PLA2G4E: variants seen among roughly 807,000 people sequenced by gnomAD.
PLA2G4E encodes phospholipase A2 group IVE.
A neutral mutation model predicts 109.1 loss-of-function variants in PLA2G4E; 84 were observed. That is an observed-to-expected ratio of 0.77 (90% confidence interval 0.65 to 0.92). The LOEUF is 0.92. Among genes scored for constraint, PLA2G4E ranks in the 40% least tolerant of loss-of-function variants. PLA2G4E has a pLI of 0.00. For missense variants in PLA2G4E, 1,057 were observed against 1,076.6 expected (o/e 0.98, Z 0.25); for synonymous variants, 469 against 436.1 (o/e 1.08, Z -0.94).
intron 13 of PLA2G4E, 131 bp from the exon 14 acceptor site, chr15:41,990,366 C>T: frequency 3.9e-6 from 3 of 764,008 alleles, no homozygotes; most frequent in Non-Finnish European, 6.5e-6. Context: ...GCTGTATCGG[C>T]CCCAGCTGAC....
At chr15:42,019,599 C>A (rs2068628840) in intron 1 of PLA2G4E, among the ~76,000 whole-genome samples, 1 of 152,166 alleles carries the variant, frequency 6.6e-6, no homozygotes, top group African/African-American at 2.4e-5. Flanking sequence ...CAGTTCCATG[C>A]AACACCTGTG....
intron 17 of PLA2G4E, 94 bp downstream of exon 17, chr15:41,987,075 GAGA>G: frequency 7.7e-7 from 1 of 1,292,510 alleles, no homozygotes; most frequent in Non-Finnish European, 1.1e-6. Flanking sequence ...AACATAGCCA[GAGA>G]AGTTTTCTTA....
At chr15:42,026,757 G>T (rs1229426782) in intron 1 of PLA2G4E, among the ~76,000 whole-genome samples, 3 of 152,124 alleles carry the variant, frequency 2.0e-5, no homozygotes, top group African/African-American at 7.2e-5. Context: ...AGGATCATTT[G>T]AGGTCAGGAG....
intron 1 of PLA2G4E, among the ~76,000 whole-genome samples, chr15:42,019,254 C>T (rs974941237): frequency 1.3e-5 from 2 of 152,194 alleles, no homozygotes; most frequent in African/African-American, 4.8e-5. Flanking sequence ...GCCTCAGCCT[C>T]CTCATTGGAG....
Position 42,006,138 on chromosome 15 carries a change from G to C in PLA2G4E, c.394-17C>G, listed in dbSNP as rs1297820413. 6.2e-7 allele frequency: 1 copy of C among 1,613,156 alleles called. No individual in the cohort carries two copies. Among genetic ancestry groups the C allele is most frequent in the Non-Finnish European group, 8.5e-7 (1 of 1,179,378 alleles). The stretch of plus-strand genomic sequence containing the variant: ...TAGCACGTTCTAGGGGAGAAGGAAG[G>C]ATGCCAGTCTGGTTACCACGGTTGC... On this transcript the variant is annotated splice_polypyrimidine_tract_variant and intron_variant, in intron 3 of 19. Coordinates refer to ENST00000399518, the Ensembl canonical transcript of PLA2G4E.
chr15:41,987,978 C>A (rs542546106), intron 16 of PLA2G4E, 71 bp downstream of exon 16: 1 of 1,085,590 alleles, frequency 9.2e-7, no homozygotes, highest in African/African-American at 1.6e-5. Context: ...GGCCGCCCCC[C>A]ATCACCCAGC....
At chr15:42,005,356 T>C (rs1430718831) in intron 4 of PLA2G4E, among the ~76,000 whole-genome samples, 1 of 152,216 alleles carries the variant, frequency 6.6e-6, no homozygotes, top group Non-Finnish European at 1.5e-5. Context: ...ATTCCTTCCT[T>C]CACTGAGTCC....
At chr15:41,992,854 C>G (rs1439265694) in exon 13 of PLA2G4E, 1 of 1,614,048 alleles carries the variant, frequency 6.2e-7, no homozygotes, top group South Asian at 1.1e-5. Context: ...GGTCTGGGAA[C>G]AGGGAGGGTA....
chr15:42,002,287 A>AC (rs1555386330), intron 6 of PLA2G4E, among the ~76,000 whole-genome samples: 6 of 140,892 alleles, frequency 4.3e-5, no homozygotes, highest in Admixed American at 1.4e-4. Flanking sequence ...AAAAAAAAAA[A>AC]GGTAAACTGT....
chr15:42,021,843 A>C (rs2665202), intron 1 of PLA2G4E, among the ~76,000 whole-genome samples: 147,767 of 152,316 alleles, frequency 0.97, 71,859 homozygotes, highest in Middle Eastern at 1. Context: ...GCTTTTCTGG[A>C]CCATAGATAG....
At chr15:42,025,266 G>A (rs115017607) in intron 1 of PLA2G4E, among the ~76,000 whole-genome samples, 90 of 151,924 alleles carry the variant, frequency 5.9e-4, no homozygotes, top group African/African-American at 1.6e-3. Flanking sequence ...AAGGTGACTC[G>A]CCAGTAAGAC....
chr15:41,983,696 G>C (rs1463384168), exon 20 of PLA2G4E: 11 of 1,454,946 alleles, frequency 7.6e-6, no homozygotes, highest in South Asian at 1.2e-5. Flanking sequence ...TCAGCCCTGA[G>C]GGGTCCTGCA....
intron 10 of PLA2G4E, 60 bp downstream of exon 10, chr15:41,999,463 AC>A: frequency 8.0e-7 from 1 of 1,246,804 alleles, no homozygotes; most frequent in Non-Finnish European, 1.2e-6. Flanking sequence ...ACAGTGAGAT[AC>A]CACTGCACAC....
At chr15:42,041,758 C>T (rs1198982201) in intron 1 of PLA2G4E, among the ~76,000 whole-genome samples, 2 of 152,124 alleles carry the variant, frequency 1.3e-5, no homozygotes, top group African/African-American at 2.4e-5. Context: ...GGGGAACTGG[C>T]TCTGTGTGTG....
rs1211334926 is a variant in PLA2G4E, at chr15:41,999,522, A to G, written c.974+2T>C. The G allele has an allele frequency of 6.3e-7, 1 of 1,598,122 alleles. No homozygotes were observed. The highest frequency in any genetic ancestry group is 8.6e-7 in the Non-Finnish European group (1 of 1,165,874). Reference sequence around the variant, plus strand: ...GGCACGGACAGAATGCGGGTACTATACCAGGGTGTAGACTTCATGTGTAAT... The same window carrying G: ...GGCACGGACAGAATGCGGGTACTATGCCAGGGTGTAGACTTCATGTGTAAT... On this transcript the variant is annotated splice_donor_variant, in intron 10 of 19. Coordinates refer to ENST00000399518, the Ensembl canonical transcript of PLA2G4E. LOFTEE classifies it high-confidence loss of function.
intron 1 of PLA2G4E, among the ~76,000 whole-genome samples, chr15:42,029,379 A>T (rs1239528579): frequency 6.6e-6 from 1 of 152,164 alleles, no homozygotes; most frequent in Non-Finnish European, 1.5e-5. Context: ...TACAAGCATG[A>T]GCTACTGTGC....
intron 1 of PLA2G4E, among the ~76,000 whole-genome samples, chr15:42,036,458 G>A (rs887100327): frequency 4.6e-5 from 7 of 152,252 alleles, no homozygotes; most frequent in Non-Finnish European, 8.8e-5. Flanking sequence ...ACCAGCCAGC[G>A]GGGCAGCCAT....
At chr15:42,012,114 C>T (rs1200506625) in intron 2 of PLA2G4E, among the ~76,000 whole-genome samples, 2 of 152,224 alleles carry the variant, frequency 1.3e-5, no homozygotes, top group Non-Finnish European at 2.9e-5. Context: ...TGGAATCCTG[C>T]TTGGTCCCTT....
chr15:42,015,851 G>T (rs1419926168), intron 1 of PLA2G4E, among the ~76,000 whole-genome samples: 2 of 152,244 alleles, frequency 1.3e-5, no homozygotes, highest in African/African-American at 4.8e-5. Flanking sequence ...GCACACCCGG[G>T]AAGGGGCAGC....
Sources: gnomAD v4.1 joint callset for allele counts (sites outside exome capture counted in the v4.1 genomes callset) on GRCh38, gnomAD v4.1.1 for gene constraint, MANE v1.5 for transcripts, NCBI Gene and HGNC (gene_info 2026-07-23, HGNC 2026-07-21) for gene names.